The following FRMD5 variants were observed in gnomAD, a reference collection of about 807,000 sequenced individuals.
FRMD5 encodes FERM domain-containing protein 5.
FRMD5 carries 20 observed loss-of-function variants against 69.0 expected under a neutral mutation model. That is an observed-to-expected ratio of 0.29 (90% CI 0.20 to 0.42). FRMD5 has a LOEUF of 0.42. Among genes scored for constraint, FRMD5 ranks in the 10% least tolerant of loss-of-function variants. The pLI, the probability that FRMD5 is intolerant of heterozygous loss-of-function variation, is 1.00. For missense variants in FRMD5, 595 were observed against 708.6 expected, an observed-to-expected ratio of 0.84 and a Z score of 1.82; for synonymous variants, 271 against 260.1, an observed-to-expected ratio of 1.04 and a Z score of -0.40.
intron 12 of FRMD5, among the ~76,000 whole-genome samples, chr15:43,884,384 G>A (rs1177814885): frequency 6.6e-6 from 1 of 152,148 alleles, no homozygotes; most frequent in Non-Finnish European, 1.5e-5. Flanking sequence ...CAGGGCTGTG[G>A]GACTATCCTT....
chr15:44,028,835 C>T (rs2140277792), intron 1 of FRMD5, among the ~76,000 whole-genome samples: 1 of 152,240 alleles, frequency 6.6e-6, no homozygotes, highest in South Asian at 2.1e-4. Flanking sequence ...ATGACACTAC[C>T]CCAAGGGACT....
At chr15:43,946,003 C>G (rs1384521912) in intron 1 of FRMD5, among the ~76,000 whole-genome samples, 1 of 151,690 alleles carries the variant, frequency 6.6e-6, no homozygotes, top group African/African-American at 2.4e-5. Context: ...TGTAGTGAGC[C>G]GAGATTGCAC....
intron 12 of FRMD5, among the ~76,000 whole-genome samples, chr15:43,884,324 G>A (rs2088610030): frequency 1.3e-5 from 2 of 152,138 alleles, no homozygotes; most frequent in African/African-American, 2.4e-5. Context: ...AACACAATTT[G>A]TGGATCTACA....
chr15:44,198,990 G>A (rs752642129), upstream of FRMD5, among the ~76,000 whole-genome samples: 2 of 152,108 alleles, frequency 1.3e-5, no homozygotes, highest in Non-Finnish European at 2.9e-5. Context: ...CCCCAGGGGA[G>A]GTACTATCCC....
chr15:44,086,986 G>C (rs747413368), intron 1 of FRMD5, among the ~76,000 whole-genome samples: 25 of 152,038 alleles, frequency 1.6e-4, no homozygotes, highest in Non-Finnish European at 3.4e-4. Context: ...GACAACAATG[G>C]CTTTATCTGT....
chr15:44,075,008 C>A lies in FRMD5; in HGVS notation c.102+119945G>T, dbSNP rs187245978. ...TGCTTGGGCAGCTCTGGGTGATGAG[C>A]AGCCATTACAGTGCCTTTCCCGGTC... On this transcript the variant is annotated intron_variant, in intron 1 of 13. Coordinates refer to ENST00000417257, the MANE Select transcript of FRMD5 (RefSeq NM_032892.5). 3.5e-3 allele frequency among the ~76,000 whole-genome samples: 527 copies of A among 152,322 alleles called. 1 individual carries two copies. The highest frequency in any genetic ancestry group is 0.011 in the African/African-American group (474 of 41,564).
intron 1 of FRMD5, among the ~76,000 whole-genome samples, chr15:44,074,974 T>G (rs1893697560): frequency 6.6e-6 from 1 of 152,154 alleles, no homozygotes; most frequent in African/African-American, 2.4e-5. Flanking sequence ...AGCTATAAGG[T>G]GAAGCTAGTG....
Position 44,191,704 on chromosome 15 carries a change from T to C in FRMD5, c.102+3249A>G, listed in dbSNP as rs144825777. ...CGAGAGAATCACTTCAGCCCAGGAA[T>C]TCAAGTCCAGCCTAGGCAACATAGC... On this transcript the variant is annotated intron_variant, in intron 1 of 13. Coordinates refer to ENST00000417257, the MANE Select transcript of FRMD5 (RefSeq NM_032892.5). 2.5e-3 allele frequency among the ~76,000 whole-genome samples: 385 copies of C among 151,770 alleles called. 5 individuals carry two copies. Among genetic ancestry groups the C allele is most frequent in the African/African-American group, 8.7e-3 (362 of 41,426 alleles).
intron 4 of FRMD5, chr15:43,919,083 T>G: frequency 2.8e-6 from 1 of 357,034 alleles, no homozygotes; most frequent in South Asian, 2.3e-5. Context: ...AGTATATCCA[T>G]TAGACCACTT....
intron 1 of FRMD5, among the ~76,000 whole-genome samples, chr15:44,133,051 A>G (rs2077126780): frequency 6.6e-6 from 1 of 151,918 alleles, no homozygotes; most frequent in Non-Finnish European, 1.5e-5. Flanking sequence ...ATGAGCCATC[A>G]TGCCCAGCCA....
chr15:44,170,287 C>T (rs2077778174), intron 1 of FRMD5, among the ~76,000 whole-genome samples: 1 of 152,118 alleles, frequency 6.6e-6, no homozygotes, highest in Admixed American at 6.6e-5. Flanking sequence ...CACTGGGAGG[C>T]CAAGACAGGC....
chr15:43,934,459 T>C (rs2089725634), intron 1 of FRMD5, among the ~76,000 whole-genome samples: 2 of 152,218 alleles, frequency 1.3e-5, no homozygotes, highest in Non-Finnish European at 2.9e-5. Flanking sequence ...CAGTTTTTTT[T>C]TCTTTAAAAA....
intron 1 of FRMD5, among the ~76,000 whole-genome samples, chr15:44,045,047 ACT>A (rs1370156772): frequency 2.6e-5 from 4 of 152,320 alleles, no homozygotes; most frequent in African/African-American, 9.6e-5. Flanking sequence ...GTGACACATA[ACT>A]CACACTATAA....
chr15:44,124,478 T>C (rs1411388453), intron 1 of FRMD5, among the ~76,000 whole-genome samples: 1 of 151,542 alleles, frequency 6.6e-6, no homozygotes, highest in East Asian at 2.0e-4. Context: ...GGCAGGCAGA[T>C]CACGAGGACA....
chr15:44,153,358 T>C (rs1019057192), intron 1 of FRMD5, among the ~76,000 whole-genome samples: 3 of 152,182 alleles, frequency 2.0e-5, no homozygotes, highest in Non-Finnish European at 4.4e-5. Context: ...ATGTGGTATA[T>C]ACATATAATG....
chr15:44,015,241 T>C (rs1337212213), intron 1 of FRMD5, among the ~76,000 whole-genome samples: 1 of 151,968 alleles, frequency 6.6e-6, no homozygotes, highest in Non-Finnish European at 1.5e-5. Context: ...GCTCAAGTGA[T>C]CCTCCTGCCT....
intron 1 of FRMD5, among the ~76,000 whole-genome samples, chr15:43,971,406 A>G (rs960268689): frequency 1.3e-5 from 2 of 151,944 alleles, no homozygotes; most frequent in African/African-American, 4.8e-5. Flanking sequence ...CTTTTGTTCA[A>G]AAAAATTTCT....
intron 2 of FRMD5, among the ~76,000 whole-genome samples, chr15:43,923,046 C>G (rs901428763): frequency 3.3e-5 from 5 of 152,070 alleles, no homozygotes; most frequent in African/African-American, 1.2e-4. Context: ...GGTGGGGATG[C>G]CAGAGAGTAC....
intron 1 of FRMD5, among the ~76,000 whole-genome samples, chr15:44,131,323 A>G (rs1304674072): frequency 6.6e-6 from 1 of 152,158 alleles, no homozygotes; most frequent in African/African-American, 2.4e-5. Context: ...GGATATGGAG[A>G]AAATGGAACC....
Sources: gnomAD v4.1 joint callset for allele counts (sites outside exome capture counted in the v4.1 genomes callset) on GRCh38, gnomAD v4.1.1 for gene constraint, MANE v1.5 for transcripts, NCBI Gene and HGNC (gene_info 2026-07-23, HGNC 2026-07-21) for gene names.